POLA1: variants seen among roughly 807,000 people sequenced by gnomAD.
POLA1 encodes DNA polymerase alpha catalytic subunit.
Under a neutral mutation model 124.0 loss-of-function variants are expected in POLA1, and 15 were observed. The observed-to-expected ratio is 0.12, with a 90% CI of 0.08 to 0.19. POLA1 has a LOEUF of 0.19. POLA1 is among the 10% of genes least tolerant of loss of function. The pLI is 1.00. For synonymous variants in POLA1, 408 were observed against 389.4 expected, an observed-to-expected ratio of 1.05 and a Z score of -0.56; for missense variants, 886 against 1,103.4, an observed-to-expected ratio of 0.80 and a Z score of 2.79.
At chrX:24,741,219 A>G (rs1218128862) in intron 20 of POLA1, among the ~76,000 whole-genome samples, 156 bp from the exon 21 acceptor site, 2 of 109,919 alleles carry the variant, frequency 1.8e-5, no homozygotes, top group Non-Finnish European at 3.8e-5. Context: ...TCCTAGTTAC[A>G]TACTGACCTT....
rs988345709 is a variant in POLA1, at chrX:24,738,029, A to C, written c.2040+288A>C. Among the ~76,000 whole-genome samples, 3 of 99,779 alleles carry C rather than the reference A, an allele frequency of 3.0e-5. 1 individual carries two copies. In the Admixed American group the frequency reaches 3.0e-4, roughly 10 times the overall value. The allele number at this position is 99,779 out of a possible 115,157, so 86.6% of individuals were successfully genotyped here. On this transcript the variant is annotated intron_variant, in intron 19 of 36. Transcript: ENST00000379068. ...GAGATCGGGACCATCCTGGCTAACAAGGTGAAACCCCGTCTCTACTAAAAA... is the reference window on the plus strand; with the variant it reads ...GAGATCGGGACCATCCTGGCTAACACGGTGAAACCCCGTCTCTACTAAAAA...
Position 24,996,167 on chromosome X carries a change from G to C in POLA1, c.*217G>C. On this transcript the variant is annotated 3_prime_UTR_variant, in exon 37 of 37. Coordinates refer to ENST00000379068, the MANE Select transcript of POLA1 (RefSeq NM_001330360.2). ...TCCTGTCTTCATATTAAGATGTACT[G>C]CTTTAAAACACAACTCCAGAGCCCC... The C allele has an allele frequency of 3.0e-6, 1 of 336,852 alleles. No individual in the cohort carries two copies. Among genetic ancestry groups the C allele is most frequent in the Non-Finnish European group, 5.2e-6 (1 of 193,510 alleles). The allele number at this position is 336,852 out of a possible 1,213,427, so 27.8% of individuals were successfully genotyped here.
At chrX:24,729,766 T>A (rs1930777000) in intron 15 of POLA1, among the ~76,000 whole-genome samples, 1 of 109,014 alleles carries the variant, frequency 9.2e-6, no homozygotes. Context: ...GTGTTTTCAG[T>A]ATTTTCTGAT....
intron 19 of POLA1, among the ~76,000 whole-genome samples, chrX:24,739,098 T>C (rs1272424114): frequency 1.8e-5 from 2 of 111,615 alleles, no homozygotes; most frequent in African/African-American, 6.5e-5. Flanking sequence ...TTCCATCCAC[T>C]TGTTACCTCC....
At chrX:24,995,761 A>G (rs780131838) in intron 36 of POLA1, 44 bp from the exon 37 acceptor site, 11 of 1,126,675 alleles carry the variant, frequency 9.8e-6, no homozygotes, top group African/African-American at 1.8e-5. Context: ...ATGTTCTTTA[A>G]AGAAACTACC....
intron 4 of POLA1, among the ~76,000 whole-genome samples, chrX:24,710,111 C>T (rs112231646): frequency 4.1e-5 from 3 of 74,049 alleles, no homozygotes; most frequent in East Asian, 4.8e-4. Context: ...CGGCGCTCGC[C>T]GGCGCCTTTT....
chrX:24,855,580 A>G (rs2046633751), intron 34 of POLA1, among the ~76,000 whole-genome samples: 1 of 112,033 alleles, frequency 8.9e-6, no homozygotes, highest in Non-Finnish European at 1.9e-5. Context: ...ATTGGAGGAA[A>G]ATTCTAACAT....
intron 6 of POLA1, 134 bp from the exon 7 acceptor site, chrX:24,716,228 C>T (rs754420205): frequency 9.3e-5 from 32 of 343,019 alleles, no homozygotes; most frequent in Admixed American, 6.5e-4. Context: ...TACATGACAT[C>T]GATGGGAGGG....
intron 4 of POLA1, among the ~76,000 whole-genome samples, chrX:24,711,684 G>T (rs1929450472): frequency 9.1e-6 from 1 of 110,353 alleles, no homozygotes; most frequent in South Asian, 3.9e-4. Flanking sequence ...TGCAACCTCT[G>T]CCTCCTGAGT....
chrX:24,776,689 A>G (rs923444285), intron 26 of POLA1, among the ~76,000 whole-genome samples: 1 of 112,166 alleles, frequency 8.9e-6, no homozygotes, highest in Admixed American at 9.4e-5. Context: ...TTTTTACATG[A>G]TTATTTCTTA....
intron 26 of POLA1, among the ~76,000 whole-genome samples, chrX:24,792,269 C>G (rs910101837): frequency 9.0e-6 from 1 of 111,641 alleles, no homozygotes; most frequent in Non-Finnish European, 1.9e-5. Context: ...AAGCACCCCC[C>G]TCCCCAATAC....
At chrX:24,847,281 A>G (rs2046488368) in intron 34 of POLA1, among the ~76,000 whole-genome samples, 1 of 111,865 alleles carries the variant, frequency 8.9e-6, no homozygotes, top group Non-Finnish European at 1.9e-5. Flanking sequence ...TTTTTAAAGT[A>G]TATTAAACTC....
At chrX:24,947,961 C>A (rs1486619805) in intron 36 of POLA1, among the ~76,000 whole-genome samples, 1 of 112,124 alleles carries the variant, frequency 8.9e-6, no homozygotes, top group Non-Finnish European at 1.9e-5. Flanking sequence ...AAAATCTATT[C>A]CTGGTTTGTC....
intron 18 of POLA1, among the ~76,000 whole-genome samples, chrX:24,736,724 A>G (rs1435615473): frequency 8.9e-6 from 1 of 111,804 alleles, no homozygotes; most frequent in Non-Finnish European, 1.9e-5. Context: ...TATTAACTAC[A>G]CTCATAATGT....
chrX:24,701,640 C>A (rs977347283), intron 2 of POLA1, among the ~76,000 whole-genome samples: 1 of 110,104 alleles, frequency 9.1e-6, no homozygotes, highest in Non-Finnish European at 1.9e-5. Context: ...TTCACCATGT[C>A]GGTCAGGCTG....
intron 35 of POLA1, 102 bp from the exon 36 acceptor site, chrX:24,930,351 T>A (rs2047756744): frequency 1.8e-6 from 1 of 554,116 alleles, no homozygotes; most frequent in African/African-American, 2.3e-5. Flanking sequence ...AAATGCTGCT[T>A]GATTTGGAAG....
At chrX:24,939,375 T>C (rs957493636) in intron 36 of POLA1, among the ~76,000 whole-genome samples, 2 of 112,450 alleles carry the variant, frequency 1.8e-5, no homozygotes, top group Non-Finnish European at 3.8e-5. Context: ...TTTAAACAGT[T>C]GAGCTAGTGA....
rs1397809303 is a variant in POLA1 at position 24,826,601 on chromosome X, G to C, written c.3736G>C (p.Gly1246Arg). ...IDAVLIATWLGLDPTQFRVHH... is the reference protein window; with the variant it reads ...IDAVLIATWLRLDPTQFRVHH... ...TGCTGTCCTCATTGCAACGTGGTTGGGTAAGTGTCCCAAGCTCACATAGAA... is the reference window on the plus strand; with the variant it reads ...TGCTGTCCTCATTGCAACGTGGTTGCGTAAGTGTCCCAAGCTCACATAGAA... The change falls in exon 32 of 37, where the codon GGA (glycine) becomes CGA (arginine). Residue 1246 changes from glycine to arginine, a missense_variant and splice_region_variant. Physicochemically the swap from Gly to Arg is moderately radical, Grantham distance 125. Coordinates refer to ENST00000379068, the MANE Select transcript of POLA1 (RefSeq NM_001330360.2). 5.4e-5 allele frequency: 64 copies of C among 1,179,634 alleles called. No homozygotes were observed. Among genetic ancestry groups the C allele is most frequent in the Non-Finnish European group, 7.3e-5 (64 of 873,197 alleles).
chrX:24,749,319 G>A (rs2148406425), intron 26 of POLA1, among the ~76,000 whole-genome samples: 1 of 109,179 alleles, frequency 9.2e-6, no homozygotes, highest in African/African-American at 3.3e-5. Flanking sequence ...GGACGACATG[G>A]GTTGGGAATG....
Sources: gnomAD v4.1 joint callset for allele counts (sites outside exome capture counted in the v4.1 genomes callset) on GRCh38, gnomAD v4.1.1 for gene constraint, MANE v1.5 for transcripts, NCBI Gene and HGNC (gene_info 2026-07-23, HGNC 2026-07-21) for gene names.